Variants in UTRN observed in about 807,000 individuals in gnomAD.
The protein encoded by UTRN is dystrophin-related protein 1.
UTRN carries 283 observed loss-of-function variants against 463.9 expected under a neutral mutation model. The observed-to-expected ratio is 0.61, with a 90% CI of 0.55 to 0.67. UTRN has a LOEUF of 0.67. UTRN is among the 30% of genes least tolerant of loss of function. The pLI is 0.00. For missense variants in UTRN, 3,922 were observed against 4,084.3 expected, an observed-to-expected ratio of 0.96 and a Z score of 1.08; for synonymous variants, 1,442 against 1,431.5, an observed-to-expected ratio of 1.01 and a Z score of -0.17.
chr6:144,633,302 G>A (rs186910568), intron 51 of UTRN, among the ~76,000 whole-genome samples: 258 of 146,264 alleles, frequency 1.8e-3, no homozygotes, highest in African/African-American at 6.4e-3. Context: ...CGATCTCGGC[G>A]CACTGCAAGC....
intron 25 of UTRN, among the ~76,000 whole-genome samples, chr6:144,477,250 A>G (rs1235321902): frequency 6.6e-6 from 1 of 152,194 alleles, no homozygotes; most frequent in Non-Finnish European, 1.5e-5. Context: ...CAAAGCAGTG[A>G]AAAATAGAAG....
chr6:144,599,991 A>G (rs6919793), intron 51 of UTRN, among the ~76,000 whole-genome samples: 23,880 of 152,074 alleles, frequency 0.16, 2,106 homozygotes, highest in South Asian at 0.28. Context: ...ATTATTATAT[A>G]TTATTTTACC....
chr6:144,827,486 C>T (rs1780289936), intron 67 of UTRN, 100 bp downstream of exon 67: 1 of 1,596,704 alleles, frequency 6.3e-7, no homozygotes, highest in Non-Finnish European at 8.6e-7. Flanking sequence ...CTTCTGTGTT[C>T]CGGGTAACAA....
intron 44 of UTRN, among the ~76,000 whole-genome samples, chr6:144,538,694 A>G (rs1409403784): frequency 6.6e-6 from 1 of 151,450 alleles, no homozygotes; most frequent in Non-Finnish European, 1.5e-5. Context: ...AAAAGAAATT[A>G]TGAGTGTGTA....
chr6:144,436,916 A>ATATATG (rs892308631), intron 10 of UTRN, among the ~76,000 whole-genome samples: 2 of 145,792 alleles, frequency 1.4e-5, no homozygotes, highest in African/African-American at 2.5e-5. Flanking sequence ...TTTATATATT[A>ATATATG]TATATGTATA....
intron 66 of UTRN, among the ~76,000 whole-genome samples, chr6:144,824,577 TATATATATATA>T (rs1562954775): frequency 1.5e-4 from 4 of 25,922 alleles, no homozygotes; most frequent in African/African-American, 5.3e-4. Flanking sequence ...TTTATTTATA[TATATATATATA>T]TATATATATA....
At chr6:144,451,292 T>C (rs1788278169) in intron 17 of UTRN, 78 bp from the exon 18 acceptor site, 3 of 1,524,180 alleles carry the variant, frequency 2.0e-6, no homozygotes, top group South Asian at 2.6e-5. Flanking sequence ...CTGATGAGCA[T>C]TTGAGTTGCT....
intron 18 of UTRN, among the ~76,000 whole-genome samples, chr6:144,452,961 A>G (rs954138176): frequency 5.3e-5 from 8 of 151,362 alleles, no homozygotes; most frequent in Non-Finnish European, 1.2e-4. Context: ...AAAAAAAAAA[A>G]GGAACAAAAT....
chr6:144,651,892 T>A (rs1778849759), intron 51 of UTRN, among the ~76,000 whole-genome samples: 1 of 152,130 alleles, frequency 6.6e-6, no homozygotes, highest in Non-Finnish European at 1.5e-5. Context: ...AGTGGGGATT[T>A]CTGAAATTTT....
intron 65 of UTRN, among the ~76,000 whole-genome samples, chr6:144,814,242 T>C (rs1778881971): frequency 6.6e-6 from 1 of 152,126 alleles, no homozygotes; most frequent in South Asian, 2.1e-4. Context: ...CTCTCTTCCC[T>C]TCCACCATGG....
intron 61 of UTRN, among the ~76,000 whole-genome samples, 188 bp downstream of exon 61, chr6:144,782,311 G>T (rs1213761028): frequency 6.6e-6 from 1 of 152,084 alleles, no homozygotes; most frequent in Non-Finnish European, 1.5e-5. Context: ...CAATAGAACA[G>T]AAAAGAATGT....
At chr6:144,661,082 T>C (rs1484351406) in intron 51 of UTRN, among the ~76,000 whole-genome samples, 2 of 152,216 alleles carry the variant, frequency 1.3e-5, no homozygotes, top group African/African-American at 4.8e-5. Flanking sequence ...GGTGAAGTCC[T>C]CCCTCACTTG....
chr6:144,463,808 A>G (rs1283873013), intron 23 of UTRN, among the ~76,000 whole-genome samples: 1 of 151,738 alleles, frequency 6.6e-6, no homozygotes, highest in Non-Finnish European at 1.5e-5. Context: ...CTGTATATCT[A>G]TCTATCTATA....
intron 5 of UTRN, 109 bp from the exon 6 acceptor site, chr6:144,423,877 A>G: frequency 8.8e-7 from 1 of 1,136,584 alleles, no homozygotes; most frequent in South Asian, 1.4e-5. Context: ...AATTTCTCTT[A>G]TCTCTCACTT....
At chr6:144,846,678 C>A in intron 73 of UTRN, 127 bp from the exon 74 acceptor site, 1 of 1,247,648 alleles carries the variant, frequency 8.0e-7, no homozygotes, top group Non-Finnish European at 1.1e-6. Context: ...TATTAGCATC[C>A]ATTTAACAAC....
rs1037939348 is a variant in UTRN at position 144,726,470 on chromosome 6, G to A, written c.7810-3887G>A. Among the ~76,000 whole-genome samples, 6 of 152,160 alleles carry A rather than the reference G, an allele frequency of 3.9e-5. 1 individual carries two copies. Among genetic ancestry groups the A allele is most frequent in the Admixed American group, 2.6e-4 (4 of 15,278 alleles). ...TTACAGATCCCCCAAGGCTCTACTA[G>A]GTCCCAGACATGGCATTAGTCTGGG... On this transcript the variant is annotated intron_variant, in intron 53 of 74. Transcript: ENST00000367545.
intron 2 of UTRN, among the ~76,000 whole-genome samples, chr6:144,326,654 G>A (rs950349995): frequency 2.6e-5 from 4 of 152,174 alleles, no homozygotes; most frequent in Non-Finnish European, 5.9e-5. Context: ...CTTTCAAGCT[G>A]AAATGGTCTC....
In UTRN at chr6:144,751,852, T is replaced by C; in HGVS notation, c.8255T>C (p.Val2752Ala). The C allele has an allele frequency of 1.9e-6, 3 of 1,611,990 alleles. No homozygotes were observed. The highest frequency in any genetic ancestry group is 1.7e-6 in the Non-Finnish European group (2 of 1,179,110). ...IAPINFKVKT[V>A]NDLSSQLSPL... Reference sequence around the variant, plus strand: ...CCAATCAACTTTAAAGTTAAAACGGTGAATGATTTATCCAGTCAGCTGTCT... The same window carrying C: ...CCAATCAACTTTAAAGTTAAAACGGCGAATGATTTATCCAGTCAGCTGTCT... Residue 2752 changes from valine to alanine, a missense_variant, in exon 56 of 75, where the codon GTG becomes GCG. This residue lies in a region of UTRN where 1,309 missense variants were observed against 1,452.6 expected (regional missense o/e 0.90). Transcript: ENST00000367545.
chr6:144,576,454 T>C (rs1801444773), intron 50 of UTRN, among the ~76,000 whole-genome samples: 1 of 152,194 alleles, frequency 6.6e-6, no homozygotes, highest in Admixed American at 6.5e-5. Flanking sequence ...AGAAGCTCAT[T>C]TGTCCAATGC....
Sources: allele counts gnomAD v4.1 joint callset (sites outside exome capture counted in the v4.1 genomes callset), GRCh38; gene constraint gnomAD v4.1.1; regional missense constraint gnomAD v4.1.1; transcripts MANE v1.5; gene names NCBI Gene and HGNC (gene_info 2026-07-23, HGNC 2026-07-21).